ITPR2: variants seen among roughly 807,000 people sequenced by gnomAD.
The protein encoded by ITPR2 is inositol 1,4,5-trisphosphate-gated calcium channel ITPR2.
ITPR2 carries 207 observed loss-of-function variants against 317.1 expected under a neutral mutation model. The observed-to-expected ratio is 0.65, with a 90% CI of 0.58 to 0.73. The LOEUF is 0.73. Among genes scored for constraint, ITPR2 ranks in the 30% least tolerant of loss-of-function variants. The pLI is 0.00. For synonymous variants in ITPR2, 1,156 were observed against 1,149.1 expected, an observed-to-expected ratio of 1.01 and a Z score of -0.12; for missense variants, 2,613 against 3,284.0, an observed-to-expected ratio of 0.80 and a Z score of 4.99.
intron 34 of ITPR2, among the ~76,000 whole-genome samples, chr12:26,568,014 A>ATATATATATTATATATAT (rs1945053651): frequency 1.5e-5 from 1 of 68,218 alleles, no homozygotes; most frequent in East Asian, 3.3e-4. Flanking sequence ...TATTATATAT[A>ATATATATATTATATATAT]TATATATATA....
chr12:26,418,126 A>G (rs1940780050), intron 50 of ITPR2, among the ~76,000 whole-genome samples: 1 of 152,228 alleles, frequency 6.6e-6, no homozygotes, highest in Admixed American at 6.5e-5. Context: ...TTGAGGGTAT[A>G]TGGAAAATTG....
intron 41 of ITPR2, 135 bp from the exon 42 acceptor site, chr12:26,484,033 A>C (rs1942603304): frequency 7.0e-6 from 5 of 718,014 alleles, no homozygotes; most frequent in Non-Finnish European, 1.1e-5. Context: ...ACTGTCCTCC[A>C]CTTAAGGAGG....
chr12:26,449,698 A>G (rs1003512668), intron 45 of ITPR2, among the ~76,000 whole-genome samples: 16 of 152,108 alleles, frequency 1.1e-4, no homozygotes, highest in African/African-American at 3.9e-4. Context: ...TGGCATGAGG[A>G]AGTGATTCTG....
chr12:26,509,994 GTGT>G (rs1943290841), intron 37 of ITPR2, among the ~76,000 whole-genome samples: 1 of 128,116 alleles, frequency 7.8e-6, no homozygotes, highest in African/African-American at 2.9e-5. Context: ...GTGTGTGTGT[GTGT>G]GTGTGTGGTG....
chr12:26,466,514 C>T (rs2136798250), intron 45 of ITPR2, among the ~76,000 whole-genome samples: 1 of 152,302 alleles, frequency 6.6e-6, no homozygotes, highest in South Asian at 2.1e-4. Context: ...CATTCAACCT[C>T]AAATTCTGTT....
chr12:26,407,885 G>C (rs1316095264), intron 52 of ITPR2, among the ~76,000 whole-genome samples: 1 of 152,200 alleles, frequency 6.6e-6, no homozygotes, highest in Non-Finnish European at 1.5e-5. Context: ...GCTCAGCACA[G>C]TACCTGAAAT....
In ITPR2 at chr12:26,621,114, G is replaced by C. The variant is rs1274506560; in HGVS notation, c.3462+9C>G. The C allele has an allele frequency of 6.2e-7, 1 of 1,609,498 alleles. No individual in the cohort carries two copies. The highest frequency in any genetic ancestry group is 8.5e-7 in the Non-Finnish European group (1 of 1,177,398). ...TTGGGAGTATTTCGAAATAGATCTT[G>C]AAACGAACCTCAATTGGCTCTTCAC... On this transcript the variant is annotated intron_variant, in intron 26 of 56. Transcript: ENST00000381340.
intron 15 of ITPR2, among the ~76,000 whole-genome samples, chr12:26,662,606 T>C (rs1947527849): frequency 6.6e-6 from 1 of 152,206 alleles, no homozygotes; most frequent in Admixed American, 6.5e-5. Flanking sequence ...CAAACAATAA[T>C]TAATTTTATA....
chr12:26,541,552 T>G (rs1944262511), intron 37 of ITPR2, among the ~76,000 whole-genome samples: 1 of 152,220 alleles, frequency 6.6e-6, no homozygotes, highest in Admixed American at 6.5e-5. Flanking sequence ...ATTATCCAAT[T>G]TTTAAGCTAC....
intron 9 of ITPR2, among the ~76,000 whole-genome samples, chr12:26,705,589 C>A (rs141603916): frequency 6.6e-6 from 1 of 152,318 alleles, no homozygotes; most frequent in Non-Finnish European, 1.5e-5. Flanking sequence ...GTTTTGAAAT[C>A]TTCCCTAGTG....
At chr12:26,659,635 T>TG (rs1409601779) in intron 15 of ITPR2, among the ~76,000 whole-genome samples, 1 of 152,148 alleles carries the variant, frequency 6.6e-6, no homozygotes, top group Non-Finnish European at 1.5e-5. Context: ...AGAGGCTAAG[T>TG]GGGAAAAATA....
Position 26,556,575 on chromosome 12 carries a change from T to TGC in ITPR2, c.4822-201_4822-200insGC, listed in dbSNP as rs755269376. On this transcript the variant is annotated intron_variant, in intron 35 of 56. Transcript: ENST00000381340. The stretch of plus-strand genomic sequence containing the variant: ...GTCTCTATTTTTTTTTTTGTGTGTG[T>TGC]GTGTGTGTGTGTGTGTGTGTTTTTG... 4.0e-4 allele frequency among the ~76,000 whole-genome samples: 59 copies of TGC among 146,390 alleles called. 1 individual carries two copies. The highest frequency in any genetic ancestry group is 2.0e-3 in the Admixed American group (29 of 14,634).
Position 26,670,196 on chromosome 12 carries a change from T to A in ITPR2, c.1410-4145A>T, listed in dbSNP as rs570450983. Among the ~76,000 whole-genome samples, 451 of 152,316 alleles carry A rather than the reference T, an allele frequency of 3.0e-3. 2 individuals carry two copies. Among genetic ancestry groups the A allele is most frequent in the African/African-American group, 0.01 (432 of 41,562 alleles). Reference sequence around the variant, plus strand: ...TGTCTGACAGCTTTGAAGAGAGCATTGGTTCTCCCAGCATGCAGCTGGAGA... The same window carrying A: ...TGTCTGACAGCTTTGAAGAGAGCATAGGTTCTCCCAGCATGCAGCTGGAGA... On this transcript the variant is annotated intron_variant, in intron 13 of 56. Coordinates refer to ENST00000381340, the MANE Select transcript of ITPR2 (RefSeq NM_002223.4).
intron 49 of ITPR2, among the ~76,000 whole-genome samples, chr12:26,424,743 C>T (rs899634545): frequency 6.6e-6 from 1 of 151,384 alleles, no homozygotes; most frequent in African/African-American, 2.4e-5. Context: ...GCACGAGCCA[C>T]CATGACCAGC....
intron 36 of ITPR2, 85 bp from the exon 37 acceptor site, chr12:26,550,440 T>A (rs2137003895): frequency 1.5e-6 from 1 of 661,068 alleles, no homozygotes; most frequent in Non-Finnish European, 2.6e-6. Flanking sequence ...GGGGAAAAAA[T>A]TTACACAATT....
chr12:26,339,276 G>T lies in ITPR2; in HGVS notation c.*121C>A. The T allele has an allele frequency of 1.3e-6, 1 of 780,548 alleles. No individual in the cohort carries two copies. Among genetic ancestry groups the T allele is most frequent in the Non-Finnish European group, 2.1e-6 (1 of 468,900 alleles). 48.4% of individuals were successfully genotyped at this position (780,548 alleles called of 1,614,324 possible). Reference sequence around the variant, plus strand: ...CGGAGCTAACCCACTCAACATCTTGGCACTTGGTTGTTTTTAACTTTTCAA... The same window carrying T: ...CGGAGCTAACCCACTCAACATCTTGTCACTTGGTTGTTTTTAACTTTTCAA... On this transcript the variant is annotated 3_prime_UTR_variant, in exon 57 of 57. Transcript: ENST00000381340.
intron 21 of ITPR2, among the ~76,000 whole-genome samples, chr12:26,635,683 T>C (rs1213070068): frequency 6.6e-6 from 1 of 152,250 alleles, no homozygotes; most frequent in Admixed American, 6.5e-5. Context: ...AACCGAATGA[T>C]GTTCAACCAT....
chr12:26,747,202 C>T (rs1484774521), intron 2 of ITPR2, among the ~76,000 whole-genome samples: 1 of 152,140 alleles, frequency 6.6e-6, no homozygotes, highest in African/African-American at 2.4e-5. Context: ...TCCTTGCTTT[C>T]TCCTTCTTTC....
intron 37 of ITPR2, among the ~76,000 whole-genome samples, chr12:26,523,153 T>C (rs1328702800): frequency 6.6e-6 from 1 of 152,202 alleles, no homozygotes; most frequent in Non-Finnish European, 1.5e-5. Context: ...ATGATAATAA[T>C]CCTCAACTTC....
Sources: allele counts gnomAD v4.1 joint callset (sites outside exome capture counted in the v4.1 genomes callset), GRCh38; gene constraint gnomAD v4.1.1; transcripts MANE v1.5; gene names NCBI Gene and HGNC (gene_info 2026-07-23, HGNC 2026-07-21).